The following MYO1H variants were observed in gnomAD, a reference collection of about 807,000 sequenced individuals.
MYO1H encodes unconventional myosin-Ih.
A neutral mutation model predicts 149.3 loss-of-function variants in MYO1H; 118 were observed. The observed-to-expected ratio is 0.79, with a 90% confidence interval of 0.68 to 0.92. MYO1H has a LOEUF of 0.92. Among genes scored for constraint, MYO1H ranks in the 40% least tolerant of loss-of-function variants. MYO1H has a pLI of 0.00. For missense variants in MYO1H, 1,212 were observed against 1,280.7 expected (o/e 0.95, Z 0.82); for synonymous variants, 447 against 465.2 (o/e 0.96, Z 0.50).
chr12:109,432,821 C>A, intron 19 of MYO1H, 76 bp from the exon 20 acceptor site: 1 of 1,257,122 alleles, frequency 8.0e-7, no homozygotes, highest in Non-Finnish European at 1.2e-6. Context: ...CTCAGCAGGC[C>A]TCTGGGGCCG....
chr12:109,350,857 G>A (rs1209794110), intron 1 of MYO1H, among the ~76,000 whole-genome samples: 1 of 152,092 alleles, frequency 6.6e-6, no homozygotes, highest in Admixed American at 6.6e-5. Flanking sequence ...ATACAGAGAG[G>A]TCTCAAATAT....
intron 16 of MYO1H, among the ~76,000 whole-genome samples, chr12:109,423,106 T>A (rs9668192): frequency 0.5 from 75,774 of 151,298 alleles, 19,711 homozygotes; most frequent in African/African-American, 0.63. Flanking sequence ...GAAAAAAAAA[T>A]TTTTTTGAGA....
At chr12:109,413,781 A>G (rs890487441) in intron 14 of MYO1H, among the ~76,000 whole-genome samples, 2 of 152,070 alleles carry the variant, frequency 1.3e-5, no homozygotes, top group Admixed American at 1.3e-4. Flanking sequence ...ATGGTGGTAC[A>G]CGCCTGTAGT....
exon 21 of MYO1H, chr12:109,435,109 A>G: frequency 5.7e-6 from 9 of 1,590,008 alleles, no homozygotes; most frequent in Non-Finnish European, 7.7e-6. Flanking sequence ...GTAAACATCA[A>G]CTAGGTATGA....
At chr12:109,325,448 G>A in the MYO1H span, among the ~76,000 whole-genome samples, 3 of 152,116 alleles carry the variant, frequency 2.0e-5, no homozygotes, top group African/African-American at 7.2e-5. Flanking sequence ...GATGATTAAA[G>A]ACTTAAGTGT....
At position 109,420,602 on chromosome 12, in the gene MYO1H, C is replaced by A. The variant is rs141853351; in HGVS notation, c.1598-379C>A. On this transcript the variant is annotated intron_variant, in intron 15 of 31. Coordinates refer to ENST00000310903, the Ensembl canonical transcript of MYO1H. ...ATCATGAGAACAGCGAGGGGGACAT[C>A]TGTCCCCATGATCCAATCACCCCCA... Among the ~76,000 whole-genome samples, 1,508 of 152,298 alleles carry A rather than the reference C, an allele frequency of 9.9e-3. 35 individuals carry two copies. Among genetic ancestry groups the A allele is most frequent in the African/African-American group, 0.035 (1,439 of 41,558 alleles).
At chr12:109,321,606 G>C in the MYO1H span, among the ~76,000 whole-genome samples, 1 of 152,110 alleles carries the variant, frequency 6.6e-6, no homozygotes, top group Non-Finnish European at 1.5e-5. Context: ...TCGTAGAAAA[G>C]GTCAGGTGTT....
At chr12:109,379,359 A>G (rs955073358) in intron 1 of MYO1H, among the ~76,000 whole-genome samples, 7 of 152,194 alleles carry the variant, frequency 4.6e-5, no homozygotes, top group Non-Finnish European at 1.0e-4. Context: ...ACTAAAATGT[A>G]TATGCTCCAG....
chr12:109,399,395 C>A (rs1272959508), intron 5 of MYO1H, among the ~76,000 whole-genome samples: 1 of 151,368 alleles, frequency 6.6e-6, no homozygotes, highest in Admixed American at 6.6e-5. Flanking sequence ...AGTTCGAGAC[C>A]AGCCTGGCCA....
At chr12:109,369,171 A>G (rs1372376636) in intron 1 of MYO1H, among the ~76,000 whole-genome samples, 2 of 152,062 alleles carry the variant, frequency 1.3e-5, no homozygotes, top group East Asian at 3.9e-4. Flanking sequence ...TACTTTTACT[A>G]GAGACAGGGT....
the MYO1H span, among the ~76,000 whole-genome samples, chr12:109,319,193 A>G: frequency 6.6e-6 from 1 of 152,102 alleles, no homozygotes; most frequent in African/African-American, 2.4e-5. Flanking sequence ...ACTGCCCATC[A>G]ACAGATGAAT....
chr12:109,397,062 A>G (rs958528160), intron 4 of MYO1H, among the ~76,000 whole-genome samples: 4 of 151,956 alleles, frequency 2.6e-5, no homozygotes, highest in Admixed American at 1.3e-4. Context: ...TCCTGACCTC[A>G]GGTGACCTTC....
At position 109,411,354 on chromosome 12, in the gene MYO1H, T is replaced by C. The variant is rs191635731; in HGVS notation, c.1411-540T>C. Among the ~76,000 whole-genome samples, 9 of 152,314 alleles carry C rather than the reference T, an allele frequency of 5.9e-5. No individual in the cohort carries two copies. In the East Asian group the frequency reaches 1.7e-3, roughly 29 times the overall value. On this transcript the variant is annotated intron_variant, in intron 13 of 31. Coordinates refer to ENST00000310903, the Ensembl canonical transcript of MYO1H. Reference sequence around the variant, plus strand: ...CTGGGCTCAAGACATCCTCCCACCTTGGCCTGCCAAATGCCAGGATTATAG... The same window carrying C: ...CTGGGCTCAAGACATCCTCCCACCTCGGCCTGCCAAATGCCAGGATTATAG...
At chr12:109,432,951 G>A (rs1592816296) in exon 20 of MYO1H, 1 of 1,614,038 alleles carries the variant, frequency 6.2e-7, no homozygotes, top group Admixed American at 1.7e-5. Context: ...CTCCAGCAGA[G>A]GGCGTGGAAC....
intron 7 of MYO1H, among the ~76,000 whole-genome samples, chr12:109,405,666 G>A (rs1870346053): frequency 6.6e-6 from 1 of 152,176 alleles, no homozygotes; most frequent in Non-Finnish European, 1.5e-5. Flanking sequence ...TGTATTTGTT[G>A]TTGTTATATG....
At chr12:109,415,115 A>G (rs374561672) in intron 14 of MYO1H, among the ~76,000 whole-genome samples, 13 of 152,126 alleles carry the variant, frequency 8.5e-5, no homozygotes, top group Admixed American at 3.3e-4. Flanking sequence ...GACCTAACTG[A>G]TTGAAGACGT....
rs772483948 is a variant in MYO1H, at chr12:109,424,861, T to A, written c.1725+33T>A. 3 of 1,582,478 alleles carry A rather than the reference T, an allele frequency of 1.9e-6. No individual in the cohort carries two copies. In the Admixed American group the frequency reaches 5.0e-5, roughly 27 times the overall value. On this transcript the variant is annotated intron_variant, in intron 17 of 31. Transcript: ENST00000310903. ...GGAAAAACACCCATGCAAAATTGGA[T>A]CTCACCAGAGGGTGAGATGACCACC...
At chr12:109,419,483 C>T (rs1299673558) in intron 15 of MYO1H, among the ~76,000 whole-genome samples, 1 of 152,048 alleles carries the variant, frequency 6.6e-6, no homozygotes, top group Non-Finnish European at 1.5e-5. Context: ...GGGAGTGAAG[C>T]CAGCTTGCTT....
At chr12:109,356,765 T>C (rs1868615717) in intron 1 of MYO1H, among the ~76,000 whole-genome samples, 1 of 152,210 alleles carries the variant, frequency 6.6e-6, no homozygotes, top group Non-Finnish European at 1.5e-5. Flanking sequence ...TTCATAATTA[T>C]ACGCATTCAG....
Sources: allele counts gnomAD v4.1 joint callset (sites outside exome capture counted in the v4.1 genomes callset), GRCh38; gene constraint gnomAD v4.1.1; transcripts MANE v1.5; gene names NCBI Gene and HGNC (gene_info 2026-07-23, HGNC 2026-07-21).